Variants in DISP2 observed in about 807,000 individuals in gnomAD.
The protein encoded by DISP2 is dispatched RND transporter family member 2.
Under a neutral mutation model 95.5 loss-of-function variants are expected in DISP2, and 59 were observed. The observed-to-expected ratio is 0.62, with a 90% CI of 0.50 to 0.77. DISP2 has a LOEUF of 0.77. Among genes scored for constraint, DISP2 ranks in the 30% least tolerant of loss-of-function variants. The probability of loss-of-function intolerance (pLI) is 0.00; values close to 1 mark genes in which losing one functional copy is unlikely to be tolerated. For missense variants in DISP2, 1,752 were observed against 1,854.6 expected, an observed-to-expected ratio of 0.94 and a Z score of 1.02; for synonymous variants, 827 against 815.0, an observed-to-expected ratio of 1.01 and a Z score of -0.25.
chr15:40,364,821 C>A lies in DISP2; in HGVS notation c.604-17C>A. 6.2e-7 allele frequency: 1 copy of A among 1,610,976 alleles called. No individual in the cohort carries two copies. The highest frequency in any genetic ancestry group is 1.1e-5 in the South Asian group (1 of 90,694). On this transcript the variant is annotated splice_polypyrimidine_tract_variant and intron_variant, in intron 4 of 7. Coordinates refer to ENST00000267889, the MANE Select transcript of DISP2 (RefSeq NM_033510.3). Reference sequence around the variant, plus strand: ...CCTACCCTGCCCACCTGTTCTTCTCCACCCTCCTCCCTGCAGGGCTTTGAG... The same window carrying A: ...CCTACCCTGCCCACCTGTTCTTCTCAACCCTCCTCCCTGCAGGGCTTTGAG...
rs1270513519 is a variant in DISP2 at position 40,369,731 on chromosome 15, C to T, written c.3619C>T (p.Pro1207Ser). 1.2e-6 allele frequency: 2 copies of T among 1,609,590 alleles called. No individual in the cohort carries two copies. The highest frequency in any genetic ancestry group is 2.2e-5 in the East Asian group (1 of 44,870). ...CCATGATGGTCCGTGCTGTTCCCGG[C>T]CCCCACCAGCCCCTGCCTCCCCAAG... is the stretch of plus-strand genomic sequence containing the variant. Reference protein sequence around the residue: ...QLHDGPCCSRPPPAPASPREL... With the variant: ...QLHDGPCCSRSPPAPASPREL... Residue 1207 changes from proline (P) to serine (S), a missense_variant, in exon 8 of 8, where the codon CCC (proline) becomes TCC (serine). Coordinates refer to ENST00000267889, the MANE Select transcript of DISP2 (RefSeq NM_033510.3).
rs1566915844 is a variant in DISP2, at chr15:40,367,442, A to G, written c.1330A>G (p.Lys444Glu). ...KYSLLFLPTP[K>E]GASLMDIYLD... ...CAGCCTGCTCTTCCTGCCCACCCCAAAGGGTGCTTCCCTCATGGACATCTA... is the reference window on the plus strand; with the variant it reads ...CAGCCTGCTCTTCCTGCCCACCCCAGAGGGTGCTTCCCTCATGGACATCTA... Residue 444 changes from lysine to glutamate, a missense_variant, in exon 8 of 8, where the codon AAG (lysine) becomes GAG (glutamate). This residue lies in a region of DISP2 where 732 missense variants were observed against 714.6 expected (regional missense o/e 1.02). Coordinates refer to ENST00000267889, the MANE Select transcript of DISP2 (RefSeq NM_033510.3). 8.1e-6 allele frequency: 13 copies of G among 1,613,092 alleles called. No homozygotes were observed. Among genetic ancestry groups the G allele is most frequent in the Non-Finnish European group, 1.1e-5 (13 of 1,179,802 alleles).
rs543282386 is a variant in DISP2, at chr15:40,367,729, C to T, written c.1617C>T (p.Tyr539=). 19 of 1,613,222 alleles carry T rather than the reference C, an allele frequency of 1.2e-5. No individual in the cohort carries two copies. The highest frequency in any genetic ancestry group is 7.7e-5 in the South Asian group (7 of 91,086). ...ACCAGGTGGCCTTCCGCATGGCCTA[C>T]TTCCCCTTCGTCAATCTGGCAGCCC... ...FLYQVAFRMA[Y]FPFVNLAALL... is the part of the protein sequence containing the mutation. Residue 539 remains tyrosine, a synonymous_variant, in exon 8 of 8, where the codon TAC becomes TAT. Transcript: ENST00000267889.
Position 40,367,760 on chromosome 15 carries a change from C to A in DISP2, c.1648C>A (p.Leu550Met), listed in dbSNP as rs182733536. ...FPFVNLAALL[L>M]LSSVCANHTL... ...CTTCGTCAATCTGGCAGCCCTCCTCCTGCTGAGCAGCGTCTGCGCCAACCA... is the reference window on the plus strand; with the variant it reads ...CTTCGTCAATCTGGCAGCCCTCCTCATGCTGAGCAGCGTCTGCGCCAACCA... The change falls in exon 8 of 8, where the codon CTG becomes ATG. Residue 550 changes from leucine (L) to methionine (M), a missense_variant. Leu to Met is a conservative substitution (Grantham distance 15). Around this residue, in one of 5 missense-constraint regions of DISP2, gnomAD observed 732 missense variants for 714.6 expected, o/e 1.02. Coordinates refer to ENST00000267889, the MANE Select transcript of DISP2 (RefSeq NM_033510.3). The A allele has an allele frequency of 1.9e-5, 31 of 1,611,464 alleles. No homozygotes were observed. The African/African-American group carries it at 3.7e-4, about 19-fold the overall frequency.
chr15:40,358,779 C>G (rs987019190), intron 1 of DISP2, among the ~76,000 whole-genome samples: 1 of 152,240 alleles, frequency 6.6e-6, no homozygotes, highest in African/African-American at 2.4e-5. Context: ...CCGGAAGCCC[C>G]AAGCCCGCAG....
Position 40,367,746 on chromosome 15 carries a change from T to A in DISP2, c.1634T>A (p.Leu545Gln), listed in dbSNP as rs1475302973. 1.2e-6 allele frequency: 2 copies of A among 1,612,476 alleles called. No individual in the cohort carries two copies. The highest frequency in any genetic ancestry group is 1.7e-6 in the Non-Finnish European group (2 of 1,180,012). ...FRMAYFPFVNLAALLLLSSVC... is the reference protein window; with the variant it reads ...FRMAYFPFVNQAALLLLSSVC... ...ATGGCCTACTTCCCCTTCGTCAATCTGGCAGCCCTCCTCCTGCTGAGCAGC... is the reference window on the plus strand; with the variant it reads ...ATGGCCTACTTCCCCTTCGTCAATCAGGCAGCCCTCCTCCTGCTGAGCAGC... Residue 545 changes from leucine (L) to glutamine (Q), a missense_variant, in exon 8 of 8, where the codon CTG (leucine) becomes CAG (glutamine). By Grantham distance (113) the Leu-to-Gln change is moderately radical (BLOSUM62 -2). Around this residue, in one of 5 missense-constraint regions of DISP2, gnomAD observed 732 missense variants for 714.6 expected, o/e 1.02. Transcript: ENST00000267889.
rs764059693 is a variant in DISP2, at chr15:40,367,789, G to A, written c.1677G>A (p.Thr559=). 8 of 1,608,040 alleles carry A rather than the reference G, an allele frequency of 5.0e-6. No individual in the cohort carries two copies. The Admixed American group carries it at 1.3e-4, about 27-fold the overall frequency. Residue 559 remains threonine, a synonymous_variant, in exon 8 of 8, where the codon ACG becomes ACA. Coordinates refer to ENST00000267889, the MANE Select transcript of DISP2 (RefSeq NM_033510.3). ...TGAGCAGCGTCTGCGCCAACCACAC[G>A]CTCATCTTCTTCGACCTGTGGCGCC... ...LLLSSVCANH[T]LIFFDLWRLS...
chr15:40,365,574 ACCCAGGAC>A (rs1447204489), intron 6 of DISP2, 46 bp from the exon 7 acceptor site: 2 of 1,588,626 alleles, frequency 1.3e-6, no homozygotes, highest in Non-Finnish European at 1.7e-6. Flanking sequence ...CCTTTGGAGG[ACCCAGGAC>A]CTGGGGCCAA....
chr15:40,365,906 C>G (rs548027002), intron 7 of DISP2, among the ~76,000 whole-genome samples, 181 bp downstream of exon 7: 1 of 152,170 alleles, frequency 6.6e-6, no homozygotes, highest in African/African-American at 2.4e-5. Flanking sequence ...AAAGAAGAGT[C>G]GGCTGTTTTT....
rs1889630021 is a variant in DISP2, at chr15:40,370,716, A to C, written c.*398A>C. On this transcript the variant is annotated 3_prime_UTR_variant, in exon 8 of 8. Transcript: ENST00000267889. Reference sequence around the variant, plus strand: ...GGACCCCCATCCTAGGGATCTTGTCAGGGTTCCTTACTGACCAGAGGAGCC... The same window carrying C: ...GGACCCCCATCCTAGGGATCTTGTCCGGGTTCCTTACTGACCAGAGGAGCC... The C allele has an allele frequency of 2.6e-5, 12 of 470,324 alleles. No individual in the cohort carries two copies. The highest frequency in any genetic ancestry group is 1.7e-4 in the South Asian group (11 of 64,570). The allele number at this position is 470,324 out of a possible 1,614,324, so 29.1% of individuals were successfully genotyped here.
intron 2 of DISP2, 45 bp downstream of exon 2, chr15:40,363,999 G>C: frequency 6.7e-7 from 1 of 1,499,536 alleles, no homozygotes; most frequent in Non-Finnish European, 8.9e-7. Context: ...TGGAAAATGC[G>C]GTGGGGCTTA....
Position 40,367,562 on chromosome 15 carries a change from T to C in DISP2, c.1450T>C (p.Phe484Leu). The change falls in exon 8 of 8, where the codon TTC becomes CTC. Residue 484 changes from phenylalanine (F) to leucine (L), a missense_variant. Physicochemically the swap from Phe to Leu is conservative, Grantham distance 22 (BLOSUM62 0). This residue lies in a region of DISP2 where 732 missense variants were observed against 714.6 expected (regional missense o/e 1.02). Coordinates refer to ENST00000267889, the MANE Select transcript of DISP2 (RefSeq NM_033510.3). Reference sequence around the variant, plus strand: ...CCTCAAGCAGGAGCTGCTGAGGCACTTCCTGGTCCAGGACACGGTGTACCC... The same window carrying C: ...CCTCAAGCAGGAGCTGCTGAGGCACCTCCTGGTCCAGGACACGGTGTACCC... ...LGLKQELLRH[F>L]LVQDTVYPLL... 6.2e-7 allele frequency: 1 copy of C among 1,613,906 alleles called. No homozygotes were observed. The highest frequency in any genetic ancestry group is 2.2e-5 in the East Asian group (1 of 44,836).
At position 40,368,272 on chromosome 15, in the gene DISP2, C is replaced by A; in HGVS notation, c.2160C>A (p.Ile720=). Residue 720 remains isoleucine (I), a synonymous_variant, in exon 8 of 8, where the codon ATC becomes ATA. Coordinates refer to ENST00000267889, the MANE Select transcript of DISP2 (RefSeq NM_033510.3). ...FAALAAGGAY[I]AGVSPRLRLP... is the part of the protein sequence containing the mutation. ...CACTGGCGGCAGGGGGCGCCTACAT[C>A]GCCGGAGTCAGCCCCCGCCTGCGGC... 6.2e-7 allele frequency: 1 copy of A among 1,608,874 alleles called. No homozygotes were observed. The highest frequency in any genetic ancestry group is 8.5e-7 in the Non-Finnish European group (1 of 1,178,430).
At position 40,369,276 on chromosome 15, in the gene DISP2, C is replaced by T. The variant is rs760365821; in HGVS notation, c.3164C>T (p.Ser1055Phe). The T allele has an allele frequency of 5.0e-6, 8 of 1,613,788 alleles. No individual in the cohort carries two copies. Among genetic ancestry groups the T allele is most frequent in the Non-Finnish European group, 5.9e-6 (7 of 1,180,044 alleles). ...HPDRLSRVAFSLRQTSCATAV... is the reference protein window; with the variant it reads ...HPDRLSRVAFFLRQTSCATAV... ...GACCGCCTGAGCCGTGTGGCCTTCT[C>T]TCTGCGCCAGACCAGCTGCGCCACA... Residue 1055 changes from serine to phenylalanine, a missense_variant, in exon 8 of 8, where the codon TCT (serine) becomes TTT (phenylalanine). By Grantham distance (155) the Ser-to-Phe change is radical. Around this residue, in one of 5 missense-constraint regions of DISP2, gnomAD observed 317 missense variants for 394.9 expected, o/e 0.80. Coordinates refer to ENST00000267889, the MANE Select transcript of DISP2 (RefSeq NM_033510.3).
In DISP2 at chr15:40,358,257, G is replaced by GCCGCCGCTA; in HGVS notation, c.-58_-57insTACCGCCGC. On this transcript the variant is annotated 5_prime_UTR_variant, in exon 1 of 8. Coordinates refer to ENST00000267889, the MANE Select transcript of DISP2 (RefSeq NM_033510.3). ...CCCCGCCGCCGCTGCCGCCGCCACC[G>GCCGCCGCTA]CCGCCGCCGCCGCCGCCGCCGCGGC... is the stretch of plus-strand genomic sequence containing the variant. 1 of 858,004 alleles carries GCCGCCGCTA rather than the reference G, an allele frequency of 1.2e-6. No individual in the cohort carries two copies. Among genetic ancestry groups the GCCGCCGCTA allele is most frequent in the Non-Finnish European group, 1.4e-6 (1 of 692,554 alleles). The allele number at this position is 858,004 out of a possible 1,614,324, so 53.1% of individuals were successfully genotyped here. A position where few individuals can be genotyped will look rare whatever the true frequency, so the allele number is the denominator to read the frequency against.
intron 1 of DISP2, among the ~76,000 whole-genome samples, chr15:40,358,961 C>A (rs962673360): frequency 6.6e-6 from 1 of 152,272 alleles, no homozygotes; most frequent in African/African-American, 2.4e-5. Flanking sequence ...CCCAGCTGTG[C>A]ACGTGTGGGT....
rs1002315020 is a variant in DISP2, at chr15:40,370,120, G to A, written c.4008G>A (p.Lys1336=). ...PVLERGQLNG[K]RDTLWLALRE... ...TTGAGCGAGGCCAGCTCAATGGGAA[G>A]CGGGACACCCTGTGGCTGGCGCTGA... is the stretch of plus-strand genomic sequence containing the variant. The change falls in exon 8 of 8, where the codon AAG becomes AAA. Residue 1336 remains lysine, a synonymous_variant. Transcript: ENST00000267889. 3 of 1,607,686 alleles carry A rather than the reference G, an allele frequency of 1.9e-6. No homozygotes were observed. The highest frequency in any genetic ancestry group is 2.5e-6 in the Non-Finnish European group (3 of 1,176,668).
chr15:40,364,879 G>A lies in DISP2; in HGVS notation c.645G>A (p.Val215=). ...PRDTDIGSKL[V]VWRALQALTG... is the part of the protein sequence containing the mutation. ...ACACAGACATTGGGAGCAAGTTAGT[G>A]GTCTGGAGAGCACTACAAGCCCTCA... Residue 215 remains valine (V), a synonymous_variant, in exon 5 of 8, where the codon GTG becomes GTA. Transcript: ENST00000267889. The A allele has an allele frequency of 6.2e-7, 1 of 1,614,088 alleles. No homozygotes were observed. Among genetic ancestry groups the A allele is most frequent in the South Asian group, 1.1e-5 (1 of 91,078 alleles).
At position 40,365,755 on chromosome 15, in the gene DISP2, T is replaced by G. The variant is rs766209114; in HGVS notation, c.945+30T>G. The G allele has an allele frequency of 6.8e-6, 11 of 1,607,476 alleles. No individual in the cohort carries two copies. The East Asian group carries it at 2.2e-4, about 33-fold the overall frequency. The stretch of plus-strand genomic sequence containing the variant: ...GCTGGTGGGGGAGGTGCCAGGGGTT[T>G]GGGGGGAACTAAGGACATGAGGGAA... On this transcript the variant is annotated intron_variant, in intron 7 of 7. Coordinates refer to ENST00000267889, the MANE Select transcript of DISP2 (RefSeq NM_033510.3).
Sources: allele counts gnomAD v4.1 joint callset (sites outside exome capture counted in the v4.1 genomes callset), GRCh38; gene constraint gnomAD v4.1.1; regional missense constraint gnomAD v4.1.1; transcripts MANE v1.5; gene names NCBI Gene and HGNC (gene_info 2026-07-23, HGNC 2026-07-21).